PIK3C2A: variants seen among roughly 807,000 people sequenced by gnomAD.
The protein encoded by PIK3C2A is phosphatidylinositol 4-phosphate 3-kinase C2 domain-containing subunit alpha.
A neutral mutation model predicts 204.5 loss-of-function variants in PIK3C2A; 97 were observed. That is an observed-to-expected ratio of 0.47 (90% CI 0.40 to 0.56). The LOEUF (loss-of-function observed/expected upper bound fraction) is 0.56. PIK3C2A is among the 20% of genes least tolerant of loss of function. The pLI, the probability that PIK3C2A is intolerant of heterozygous loss-of-function variation, is 0.00. For missense variants in PIK3C2A, 1,735 were observed against 1,969.2 expected, an observed-to-expected ratio of 0.88 and a Z score of 2.25; for synonymous variants, 653 against 664.4, an observed-to-expected ratio of 0.98 and a Z score of 0.26.
rs765384257 is a variant in PIK3C2A at position 17,136,495 on chromosome 11, C to T, written c.1835G>A (p.Ser612Asn). The T allele has an allele frequency of 6.2e-6, 10 of 1,609,180 alleles. No homozygotes were observed. Among genetic ancestry groups the T allele is most frequent in the Middle Eastern group, 3.3e-4 (2 of 6,074 alleles). ...AAAAATACTCACATCAGCAGTTTTA[C>T]TCCTTGGAAGATTAACTGCTCTCTT... The part of the protein sequence containing the change: ...KLKRAVNLPR[S>N]KTADVTSLFG... The change falls in exon 9 of 33, where the codon AGT (serine) becomes AAT (asparagine). Residue 612 changes from serine to asparagine, a missense_variant. Ser to Asn is a conservative substitution (Grantham distance 46). Transcript: ENST00000691414.
At chr11:17,101,026 T>C (rs1848608869) in intron 25 of PIK3C2A, among the ~76,000 whole-genome samples, 2 of 152,218 alleles carry the variant, frequency 1.3e-5, no homozygotes. Flanking sequence ...CAGCTACTAA[T>C]ACTTCCCATC....
intron 2 of PIK3C2A, among the ~76,000 whole-genome samples, chr11:17,164,262 G>C (rs1202357057): frequency 6.7e-6 from 1 of 149,994 alleles, no homozygotes; most frequent in Admixed American, 6.7e-5. Flanking sequence ...TGCATTAGAA[G>C]AATCACTTGA....
intron 8 of PIK3C2A, among the ~76,000 whole-genome samples, chr11:17,144,638 T>C (rs1387923797): frequency 3.3e-5 from 5 of 152,132 alleles, no homozygotes; most frequent in Admixed American, 6.5e-5. Context: ...CTCATGCCTG[T>C]AACCCTAGCA....
intron 28 of PIK3C2A, 132 bp downstream of exon 28, chr11:17,094,129 T>C (rs16933829): frequency 0.03 from 18,148 of 611,070 alleles, 936 homozygotes; most frequent in African/African-American, 0.17. Context: ...ATTAGGTCTT[T>C]ATGACACAAA....
At chr11:17,184,222 T>TA (rs5789975) in intron 1 of PIK3C2A, among the ~76,000 whole-genome samples, 74,300 of 146,662 alleles carry the variant, frequency 0.51, 18,875 homozygotes, top group East Asian at 0.81. Flanking sequence ...CCTTCTACTT[T>TA]AAAAAAAAAA....
At chr11:17,173,160 C>T (rs1195849885) in intron 1 of PIK3C2A, among the ~76,000 whole-genome samples, 2 of 152,182 alleles carry the variant, frequency 1.3e-5, no homozygotes, top group Admixed American at 6.6e-5. Context: ...CTTCTGTAGA[C>T]CTTTTGCTGT....
At chr11:17,155,007 A>G (rs908131759) in intron 3 of PIK3C2A, among the ~76,000 whole-genome samples, 4 of 152,226 alleles carry the variant, frequency 2.6e-5, no homozygotes, top group African/African-American at 9.6e-5. Flanking sequence ...CTAGCCAAGT[A>G]AAGTTTGTTA....
chr11:17,198,819 A>AC (rs1437984728), intron 1 of PIK3C2A, among the ~76,000 whole-genome samples: 28 of 27,696 alleles, frequency 1.0e-3, no homozygotes, highest in African/African-American at 4.6e-3. Context: ...AACAAAACAA[A>AC]AAAAAAAAGC....
intron 15 of PIK3C2A, 78 bp downstream of exon 15, chr11:17,122,110 G>C (rs1401664248): frequency 1.2e-5 from 10 of 815,764 alleles, no homozygotes; most frequent in Non-Finnish European, 2.0e-5. Context: ...AACAGAATCA[G>C]GTTATTTAAT....
intron 13 of PIK3C2A, among the ~76,000 whole-genome samples, chr11:17,123,535 C>T (rs906350651): frequency 2.0e-5 from 3 of 150,518 alleles, no homozygotes; most frequent in Non-Finnish European, 4.4e-5. Flanking sequence ...GCCGGGATTA[C>T]AGGCATGAGC....
chr11:17,165,716 G>A (rs144014332), intron 2 of PIK3C2A, among the ~76,000 whole-genome samples: 16 of 139,696 alleles, frequency 1.1e-4, no homozygotes, highest in African/African-American at 3.5e-4. Context: ...CAGAGGTTGC[G>A]GTGAGCTGAG....
intron 9 of PIK3C2A, among the ~76,000 whole-genome samples, chr11:17,135,436 A>G (rs1395346689): frequency 6.6e-6 from 1 of 152,224 alleles, no homozygotes; most frequent in East Asian, 1.9e-4. Flanking sequence ...TCTAGAAGTG[A>G]CAAGTACAGT....
At chr11:17,114,671 A>G (rs1197221284) in intron 19 of PIK3C2A, among the ~76,000 whole-genome samples, 1 of 152,244 alleles carries the variant, frequency 6.6e-6, no homozygotes, top group Non-Finnish European at 1.5e-5. Flanking sequence ...TTGGCCAACC[A>G]ATGTATACGA....
Position 17,107,974 on chromosome 11 carries a change from T to C in PIK3C2A, c.3544+2458A>G, listed in dbSNP as rs374658257. Among the ~76,000 whole-genome samples, 57 of 152,302 alleles carry C rather than the reference T, an allele frequency of 3.7e-4. 1 individual carries two copies. The South Asian group carries it at 0.012, about 31-fold the overall frequency. On this transcript the variant is annotated intron_variant, in intron 22 of 32. Transcript: ENST00000691414. ...GCAACCTCTGCCTCCCGGATTCAAG[T>C]GATTCTAGTGCCTGAGCCTCCCAGC...
intron 1 of PIK3C2A, among the ~76,000 whole-genome samples, chr11:17,197,060 A>G (rs763546997): frequency 6.6e-6 from 1 of 151,836 alleles, no homozygotes; most frequent in Non-Finnish European, 1.5e-5. Flanking sequence ...GCACTTTGGG[A>G]GGCTGAGGTG....
intron 27 of PIK3C2A, among the ~76,000 whole-genome samples, chr11:17,095,084 A>G (rs986154182): frequency 2.0e-5 from 3 of 152,100 alleles, no homozygotes; most frequent in African/African-American, 7.2e-5. Flanking sequence ...CTCTGTTTCT[A>G]TAAAAAATAT....
At chr11:17,181,486 A>G (rs2137525903) in intron 1 of PIK3C2A, among the ~76,000 whole-genome samples, 1 of 151,792 alleles carries the variant, frequency 6.6e-6, no homozygotes, top group East Asian at 1.9e-4. Context: ...ACACACACGT[A>G]AGGCGCTGGG....
intron 1 of PIK3C2A, among the ~76,000 whole-genome samples, chr11:17,204,090 A>G (rs76874946): frequency 2.6e-5 from 4 of 151,960 alleles, no homozygotes; most frequent in South Asian, 2.1e-4. Context: ...AAAAAAAAAA[A>G]AGAGAGATCC....
chr11:17,119,760 A>T lies in PIK3C2A; in HGVS notation c.2846+26T>A, dbSNP rs758002263. ...TACTGGAAAAACTGACAATAAAACA[A>T]GAGCAAATAAATGTATTTGACTTAC... On this transcript the variant is annotated intron_variant, in intron 16 of 32. Coordinates refer to ENST00000691414, the MANE Select transcript of PIK3C2A (RefSeq NM_002645.4). The T allele has an allele frequency of 2.1e-6, 3 of 1,423,350 alleles. No homozygotes were observed. The Admixed American group carries it at 7.4e-5, about 35-fold the overall frequency. The allele number at this position is 1,423,350 out of a possible 1,614,324, so 88.2% of individuals were successfully genotyped here. A position where few individuals can be genotyped will look rare whatever the true frequency, so the allele number is the denominator to read the frequency against.
Sources: gnomAD v4.1 joint callset for allele counts (sites outside exome capture counted in the v4.1 genomes callset) on GRCh38, gnomAD v4.1.1 for gene constraint, MANE v1.5 for transcripts, NCBI Gene and HGNC (gene_info 2026-07-23, HGNC 2026-07-21) for gene names.